Variants in TRIM2 observed in about 807,000 individuals in gnomAD.
The protein encoded by TRIM2 is tripartite motif containing 2, also known as tripartite motif-containing protein 2.
A neutral mutation model predicts 75.2 loss-of-function variants in TRIM2; 20 were observed. The ratio of observed to expected loss-of-function variants is 0.27; its 90% confidence interval spans 0.19 to 0.39. The LOEUF (loss-of-function observed/expected upper bound fraction) is 0.39. Among genes scored for constraint, TRIM2 ranks in the 10% least tolerant of loss-of-function variants. The pLI is 1.00. For missense variants in TRIM2, 660 were observed against 990.8 expected (o/e 0.67, Z 4.48); for synonymous variants, 373 against 388.3 (o/e 0.96, Z 0.46).
chr4:153,286,122 G>C (rs1232299492), intron 3 of TRIM2, among the ~76,000 whole-genome samples: 1 of 152,152 alleles, frequency 6.6e-6, no homozygotes, highest in East Asian at 1.9e-4. Flanking sequence ...TTAATGTGAT[G>C]TATTACATAC....
chr4:153,237,108 G>C (rs114332223), intron 1 of TRIM2, among the ~76,000 whole-genome samples: 1,695 of 152,244 alleles, frequency 0.011, 16 homozygotes, highest in African/African-American at 0.037. Context: ...AGCTAGATTT[G>C]GTTGTGCTTT....
At chr4:153,309,636 T>C (rs1428507957) in intron 6 of TRIM2, 3 of 149,956 alleles carry the variant, frequency 2.0e-5, no homozygotes, top group East Asian at 1.9e-4. Flanking sequence ...TTAACTTCTT[T>C]TTTTTTTTTT....
chr4:153,229,609 G>A (rs946457393), intron 1 of TRIM2, among the ~76,000 whole-genome samples: 4 of 152,130 alleles, frequency 2.6e-5, no homozygotes, highest in African/African-American at 9.7e-5. Context: ...CATTTTTCTT[G>A]TTAAAAAGCC....
intron 1 of TRIM2, among the ~76,000 whole-genome samples, chr4:153,230,954 T>A (rs769348400): frequency 1.3e-5 from 2 of 152,210 alleles, no homozygotes; most frequent in African/African-American, 4.8e-5. Context: ...TTCCATCTTA[T>A]CTTGACAATG....
chr4:153,196,301 G>C (rs577876650), intron 1 of TRIM2, among the ~76,000 whole-genome samples: 2 of 151,786 alleles, frequency 1.3e-5, no homozygotes, highest in African/African-American at 4.9e-5. Flanking sequence ...ACTGGGTGCA[G>C]TGGTGCATGC....
intron 3 of TRIM2, among the ~76,000 whole-genome samples, chr4:153,279,942 CAAAAA>C (rs3048123): frequency 9.6e-6 from 1 of 104,158 alleles, no homozygotes; most frequent in Non-Finnish European, 2.1e-5. Flanking sequence ...GACTCTGTCT[CAAAAA>C]AAAAAAAAAA....
chr4:153,246,571 A>T (rs79585441), intron 1 of TRIM2, among the ~76,000 whole-genome samples: 17,347 of 152,264 alleles, frequency 0.11, 1,317 homozygotes, highest in South Asian at 0.29. Context: ...AAGGATAGTG[A>T]CTATCTGTGG....
chr4:153,241,143 G>T (rs74376011), intron 1 of TRIM2, among the ~76,000 whole-genome samples: 17,627 of 152,208 alleles, frequency 0.12, 1,404 homozygotes, highest in South Asian at 0.32. Flanking sequence ...AGGTTAAGAT[G>T]ATCTTGCTTA....
intron 1 of TRIM2, among the ~76,000 whole-genome samples, chr4:153,220,825 G>T (rs144117422): frequency 6.6e-6 from 1 of 152,206 alleles, no homozygotes; most frequent in East Asian, 1.9e-4. Context: ...GAAATGCAAA[G>T]CAAAACCATA....
intron 2 of TRIM2, among the ~76,000 whole-genome samples, chr4:153,274,332 T>C (rs1268929846): frequency 2.6e-5 from 4 of 152,176 alleles, no homozygotes; most frequent in Admixed American, 2.6e-4. Flanking sequence ...GGGTTGGATA[T>C]GGAAAATGAA....
chr4:153,207,599 T>A (rs890881663), intron 1 of TRIM2, among the ~76,000 whole-genome samples: 98 of 152,356 alleles, frequency 6.4e-4, no homozygotes, highest in Middle Eastern at 3.4e-3. Context: ...TTATGACTGC[T>A]ACCAGCATCT....
intron 6 of TRIM2, among the ~76,000 whole-genome samples, chr4:153,296,961 T>G (rs1762893781): frequency 6.6e-6 from 1 of 152,226 alleles, no homozygotes; most frequent in African/African-American, 2.4e-5. Context: ...TTGGGAAACC[T>G]TAGGCTAAAT....
intron 1 of TRIM2, among the ~76,000 whole-genome samples, chr4:153,226,298 C>G (rs1189547960): frequency 6.6e-6 from 1 of 152,112 alleles, no homozygotes; most frequent in Non-Finnish European, 1.5e-5. Flanking sequence ...GAAGGGCTGG[C>G]CCAAGAGACT....
At chr4:153,188,911 G>A (rs1579407617) in intron 1 of TRIM2, among the ~76,000 whole-genome samples, 2 of 152,064 alleles carry the variant, frequency 1.3e-5, no homozygotes, top group South Asian at 4.2e-4. Context: ...AAAATCCAAA[G>A]TCTTTCATAA....
intron 6 of TRIM2, among the ~76,000 whole-genome samples, chr4:153,307,200 C>A (rs1391802787): frequency 6.6e-6 from 1 of 152,122 alleles, no homozygotes; most frequent in Non-Finnish European, 1.5e-5. Context: ...TGACTAGAAA[C>A]CATGAGCTGG....
chr4:153,243,057 A>C (rs755800386), intron 1 of TRIM2, among the ~76,000 whole-genome samples: 16 of 152,196 alleles, frequency 1.1e-4, no homozygotes, highest in Admixed American at 2.0e-4. Flanking sequence ...TGTCACCTCC[A>C]AGGTCCTTTC....
At position 153,295,125 on chromosome 4, in the gene TRIM2, G is replaced by A. The variant is rs959306186; in HGVS notation, c.787-188G>A. 1.5e-4 allele frequency among the ~76,000 whole-genome samples: 23 copies of A among 152,240 alleles called. No individual in the cohort carries two copies. Among genetic ancestry groups the A allele is most frequent in the Admixed American group, 1.2e-3 (18 of 15,288 alleles). ...GAGGGCGAGGCGGAAGGGAAACCTCGAAAAGGTACTGGGAATGCAGTTTAG... is the reference window on the plus strand; with the variant it reads ...GAGGGCGAGGCGGAAGGGAAACCTCAAAAAGGTACTGGGAATGCAGTTTAG... On this transcript the variant is annotated intron_variant, in intron 5 of 11. Coordinates refer to ENST00000338700, the MANE Select transcript of TRIM2 (RefSeq NM_015271.5). This position sits in a 1 kb window ranked among gnomAD's most constrained non-coding sequence, Gnocchi z 7.2.
intron 1 of TRIM2, among the ~76,000 whole-genome samples, chr4:153,222,058 A>AAGGAAGGAGGGAGGGAGGGAGGG: frequency 2.5e-5 from 1 of 39,594 alleles, no homozygotes; most frequent in South Asian, 1.6e-3. Flanking sequence ...GGGAGGGAGG[A>AAGGAAGGAGGGAGGGAGGGAGGG]AGGAAGGAAG....
rs1024593639 is a variant in TRIM2 at position 153,335,299 on chromosome 4, G to A, written c.*333G>A. 17 of 1,012,142 alleles carry A rather than the reference G, an allele frequency of 1.7e-5. No homozygotes were observed. Among genetic ancestry groups the A allele is most frequent in the African/African-American group, 6.9e-5 (4 of 58,300 alleles). 62.7% of individuals were successfully genotyped at this position (1,012,142 alleles called of 1,614,324 possible). The stretch of plus-strand genomic sequence containing the variant: ...AAAACTAGCATATGTAAAGGTATTC[G>A]TTAATCCTGTGAATGGTAGCTTTTG... On this transcript the variant is annotated 3_prime_UTR_variant, in exon 12 of 12. Transcript: ENST00000338700.
Sources: allele counts gnomAD v4.1 joint callset (sites outside exome capture counted in the v4.1 genomes callset), GRCh38; gene constraint gnomAD v4.1.1; non-coding constraint Gnocchi (gnomAD v3.1); transcripts MANE v1.5; gene names NCBI Gene and HGNC (gene_info 2026-07-23, HGNC 2026-07-21).